Variants in LRRC69 observed in about 807,000 individuals in gnomAD.
The protein encoded by LRRC69 is leucine-rich repeat-containing protein 69.
Under a neutral mutation model 37.8 loss-of-function variants are expected in LRRC69, and 42 were observed. The ratio of observed to expected loss-of-function variants is 1.11; its 90% CI spans 0.87 to 1.44. The LOEUF (loss-of-function observed/expected upper bound fraction) is 1.44, where lower values mean the gene tolerates loss of function less well. LRRC69 is among the 40% of genes most tolerant of loss of function. The pLI, the probability that LRRC69 is intolerant of heterozygous loss-of-function variation, is 0.00. For missense variants in LRRC69, 357 were observed against 401.9 expected, an observed-to-expected ratio of 0.89 and a Z score of 0.96; for synonymous variants, 141 against 143.1, an observed-to-expected ratio of 0.99 and a Z score of 0.11.
chr8:91,158,450 G>A, intron 5 of LRRC69: 1 of 1,288,270 alleles, frequency 7.8e-7, no homozygotes, highest in South Asian at 1.2e-5. Flanking sequence ...TAAAATGCAT[G>A]CTGTTAATGG....
At chr8:91,113,972 C>CAAAA (rs34806474) in intron 1 of LRRC69, among the ~76,000 whole-genome samples, 1,596 of 60,484 alleles carry the variant, frequency 0.026, 134 homozygotes, top group Middle Eastern at 0.031. Flanking sequence ...AGACTTGTCT[C>CAAAA]AAAAAAAAAA....
At chr8:91,172,279 A>G (rs188719213) in intron 5 of LRRC69, among the ~76,000 whole-genome samples, 240 of 152,126 alleles carry the variant, frequency 1.6e-3, no homozygotes, top group Non-Finnish European at 2.7e-3. Flanking sequence ...TATATCTAGA[A>G]GTGTAAATGC....
chr8:91,135,668 G>A (rs2130519427), exon 5 of LRRC69: 1 of 1,452,660 alleles, frequency 6.9e-7, no homozygotes, highest in South Asian at 1.4e-5. Flanking sequence ...TCTGACACAG[G>A]AACTTTGTGA....
intron 2 of LRRC69, among the ~76,000 whole-genome samples, chr8:91,126,194 C>T (rs1813710302): frequency 6.6e-6 from 1 of 151,910 alleles, no homozygotes; most frequent in African/African-American, 2.4e-5. Flanking sequence ...TTTCCCTGAC[C>T]AGAGCAGATT....
chr8:91,155,259 A>G (rs949974082), intron 5 of LRRC69, among the ~76,000 whole-genome samples: 1 of 151,140 alleles, frequency 6.6e-6, no homozygotes, highest in Non-Finnish European at 1.5e-5. Flanking sequence ...TGCTTTATGA[A>G]AAGTATTTAT....
At chr8:91,187,558 T>C (rs1332659037) in intron 5 of LRRC69, among the ~76,000 whole-genome samples, 1 of 152,232 alleles carries the variant, frequency 6.6e-6, no homozygotes. Flanking sequence ...CACTAATATG[T>C]AGATTACAGT....
rs957459723 is a variant in LRRC69, at chr8:91,102,928, A to G, written c.183+84A>G. ...GAAAAAAGGGGTAAGAGACAGAACA[A>G]TAACACTTCGATCTATGGAGACTTA... On this transcript the variant is annotated intron_variant, in intron 1 of 7. Coordinates refer to ENST00000448384, the Ensembl canonical transcript of LRRC69. The G allele has an allele frequency of 1.7e-5, 22 of 1,267,520 alleles. No homozygotes were observed. The Admixed American group carries it at 4.8e-4, about 27-fold the overall frequency. The allele number at this position is 1,267,520 out of a possible 1,614,324, so 78.5% of individuals were successfully genotyped here.
chr8:91,143,096 C>T (rs970213731), intron 5 of LRRC69, among the ~76,000 whole-genome samples: 5 of 152,066 alleles, frequency 3.3e-5, no homozygotes, highest in Non-Finnish European at 7.3e-5. Flanking sequence ...TGGATGTACT[C>T]GGTGCATATA....
chr8:91,106,522 A>G (rs1047827631), intron 1 of LRRC69, among the ~76,000 whole-genome samples: 7 of 152,046 alleles, frequency 4.6e-5, no homozygotes, highest in African/African-American at 1.7e-4. Flanking sequence ...ATCATTTTCT[A>G]CAACTTGCAA....
rs1207239098 is a variant in LRRC69 at position 91,133,312 on chromosome 8, A to G, written c.579+7A>G. ...CATTGGAGTTTTGCCGGAGGTAAGC[A>G]AAACATGGAACCACAGTAGTTTGCT... On this transcript the variant is annotated splice_region_variant and intron_variant, in intron 4 of 7. Transcript: ENST00000448384. 3 of 1,497,786 alleles carry G rather than the reference A, an allele frequency of 2.0e-6. No individual in the cohort carries two copies. The highest frequency in any genetic ancestry group is 2.7e-6 in the Non-Finnish European group (3 of 1,130,444). The allele number at this position is 1,497,786 out of a possible 1,614,324, so 92.8% of individuals were successfully genotyped here. A position where few individuals can be genotyped will look rare whatever the true frequency, so the allele number is the denominator to read the frequency against.
chr8:91,191,951 C>T (rs1276049846), intron 6 of LRRC69, among the ~76,000 whole-genome samples: 4 of 151,042 alleles, frequency 2.6e-5, no homozygotes, highest in African/African-American at 9.7e-5. Flanking sequence ...CCCACTAACT[C>T]GTCATCTAGC....
chr8:91,113,504 T>C (rs1173688124), intron 1 of LRRC69, among the ~76,000 whole-genome samples: 1 of 151,980 alleles, frequency 6.6e-6, no homozygotes, highest in Non-Finnish European at 1.5e-5. Context: ...AAATTAGATA[T>C]CCATATGGAA....
chr8:91,181,476 T>C (rs1809324033), intron 5 of LRRC69, among the ~76,000 whole-genome samples: 1 of 152,186 alleles, frequency 6.6e-6, no homozygotes, highest in African/African-American at 2.4e-5. Context: ...CATTATAATC[T>C]TGTGGCATGT....
chr8:91,183,865 A>G (rs969472765), intron 5 of LRRC69, among the ~76,000 whole-genome samples: 1 of 152,206 alleles, frequency 6.6e-6, no homozygotes, highest in African/African-American at 2.4e-5. Context: ...GCCTGGTGGC[A>G]AGAATGACCC....
intron 1 of LRRC69, among the ~76,000 whole-genome samples, chr8:91,120,130 C>T (rs1813594198): frequency 6.6e-6 from 1 of 152,002 alleles, no homozygotes; most frequent in Non-Finnish European, 1.5e-5. Flanking sequence ...TTTGCTTTCT[C>T]ACATTTTCTG....
rs550495648 is a variant in LRRC69, at chr8:91,141,956, C to T, written c.651+6217C>T. The stretch of plus-strand genomic sequence containing the variant: ...TGGGATTTCTGGGAAGAAAGGATTA[C>T]TAATATCTTTCTTTAGGTCAGAAAA... On this transcript the variant is annotated intron_variant, in intron 5 of 7. Transcript: ENST00000448384. Among the ~76,000 whole-genome samples the T allele has an allele frequency of 1.8e-3, 280 of 152,014 alleles. 2 individuals are homozygous for T. The highest frequency in any genetic ancestry group is 6.5e-3 in the African/African-American group (272 of 41,544).
intron 5 of LRRC69, among the ~76,000 whole-genome samples, chr8:91,183,258 A>G (rs150269193): frequency 6.6e-6 from 1 of 152,318 alleles, no homozygotes; most frequent in African/African-American, 2.4e-5. Context: ...CTGAAGAATG[A>G]CAGACATACT....
At chr8:91,196,254 C>A (rs1236246555) in intron 6 of LRRC69, among the ~76,000 whole-genome samples, 1 of 151,844 alleles carries the variant, frequency 6.6e-6, no homozygotes, top group Non-Finnish European at 1.5e-5. Flanking sequence ...GTAACCCGAC[C>A]TTTCTCTCTG....
chr8:91,157,548 G>A, intron 5 of LRRC69: 3 of 1,524,652 alleles, frequency 2.0e-6, no homozygotes, highest in South Asian at 2.3e-5. Flanking sequence ...ATGAGAATGA[G>A]GGTTTACTCC....
Sources: gnomAD v4.1 joint callset for allele counts (sites outside exome capture counted in the v4.1 genomes callset) on GRCh38, gnomAD v4.1.1 for gene constraint, MANE v1.5 for transcripts, NCBI Gene and HGNC (gene_info 2026-07-23, HGNC 2026-07-21) for gene names.